The following ROBO2 variants were observed in gnomAD, a reference collection of about 807,000 sequenced individuals.
ROBO2 encodes roundabout guidance receptor 2, also known as roundabout homolog 2.
Under a neutral mutation model 160.8 loss-of-function variants are expected in ROBO2, and 53 were observed. The ratio of observed to expected loss-of-function variants is 0.33; its 90% CI spans 0.26 to 0.41. The LOEUF (loss-of-function observed/expected upper bound fraction) is 0.41, where lower values mean the gene tolerates loss of function less well. Ranked by LOEUF, ROBO2 falls within the 10% of genes least tolerant of loss-of-function variation. The pLI, the probability that ROBO2 is intolerant of heterozygous loss-of-function variation, is 1.00. For missense variants in ROBO2, 1,577 were observed against 1,722.4 expected, an observed-to-expected ratio of 0.92 and a Z score of 1.49; for synonymous variants, 664 against 611.7, an observed-to-expected ratio of 1.09 and a Z score of -1.26.
chr3:76,373,683 A>G (rs1395709041), intron 2 of ROBO2, among the ~76,000 whole-genome samples: 1 of 151,998 alleles, frequency 6.6e-6, no homozygotes, highest in Non-Finnish European at 1.5e-5. Context: ...CAGTATAGTC[A>G]TTGAATGTAA....
Position 76,992,325 on chromosome 3 carries a change from CTATATATATATATATATATATA to C in ROBO2, c.110-105666_110-105645del, listed in dbSNP as rs10530833. Among the ~76,000 whole-genome samples the C allele has an allele frequency of 1.5e-3, 69 of 46,898 alleles. 3 individuals carry two copies. The highest frequency in any genetic ancestry group is 7.0e-3 in the Admixed American group (30 of 4,312). The allele number at this position is 46,898 out of a possible 152,430, so 30.8% of individuals were successfully genotyped here. A position where few individuals can be genotyped will look rare whatever the true frequency, so the allele number is the denominator to read the frequency against. Reference sequence around the variant, plus strand: ...AGAAGCTATCTATATCCATGTATTACTATATATATATATATATATATATATATATATATATATATATATAAAT... The same window carrying C: ...AGAAGCTATCTATATCCATGTATTACTATATATATATATATATATATAAAT... On this transcript the variant is annotated intron_variant, in intron 2 of 26. Coordinates refer to the ROBO2 transcript ENST00000487694.
At chr3:77,525,998 T>C (rs879940206) in intron 6 of ROBO2, among the ~76,000 whole-genome samples, 5 of 151,436 alleles carry the variant, frequency 3.3e-5, no homozygotes, top group South Asian at 2.1e-4. Flanking sequence ...TAGTCTGTTA[T>C]CTCTTTTTGA....
intron 2 of ROBO2, among the ~76,000 whole-genome samples, chr3:77,137,243 T>A (rs2076350981): frequency 6.6e-6 from 1 of 152,336 alleles, no homozygotes; most frequent in African/African-American, 2.4e-5. Context: ...TATTTTTTTT[T>A]GAGACAGGGT....
At chr3:76,318,856 CA>C (rs1247297257) in intron 2 of ROBO2, among the ~76,000 whole-genome samples, 4 of 151,248 alleles carry the variant, frequency 2.6e-5, no homozygotes, top group East Asian at 1.9e-4. Flanking sequence ...ATTAAAATTT[CA>C]AAAAAAAGAA....
intron 1 of ROBO2, among the ~76,000 whole-genome samples, chr3:77,063,530 C>A (rs2149785849): frequency 6.6e-6 from 1 of 152,218 alleles, no homozygotes; most frequent in South Asian, 2.1e-4. Context: ...TCTTCAATTC[C>A]CATAATCATG....
At chr3:77,070,583 G>A (rs993436840) in intron 1 of ROBO2, among the ~76,000 whole-genome samples, 1 of 152,024 alleles carries the variant, frequency 6.6e-6, no homozygotes, top group Non-Finnish European at 1.5e-5. Flanking sequence ...TTTTGCAGGG[G>A]GACACACTAT....
At chr3:77,197,208 T>TG in intron 2 of ROBO2, among the ~76,000 whole-genome samples, 1 of 152,222 alleles carries the variant, frequency 6.6e-6, no homozygotes, top group Admixed American at 6.5e-5. Flanking sequence ...ATTCCAAAGC[T>TG]GAAATTTCAC....
chr3:76,468,206 G>C (rs183870413), intron 2 of ROBO2, among the ~76,000 whole-genome samples: 12 of 152,200 alleles, frequency 7.9e-5, no homozygotes, highest in Admixed American at 6.6e-4. Context: ...ATTGTCCAAG[G>C]CTACATTGGA....
At chr3:77,288,916 A>C (rs377431439) in intron 2 of ROBO2, among the ~76,000 whole-genome samples, 1 of 140,450 alleles carries the variant, frequency 7.1e-6, no homozygotes, top group African/African-American at 3.3e-5. Context: ...GTTAGAAGTA[A>C]AGTTGTCAAT....
intron 2 of ROBO2, among the ~76,000 whole-genome samples, chr3:76,070,731 A>T (rs113460592): frequency 1.8e-4 from 27 of 151,868 alleles, no homozygotes; most frequent in Non-Finnish European, 4.0e-4. Context: ...CTGACATGTG[A>T]TGTCTCCCCC....
chr3:76,277,354 T>A (rs1257318693), intron 2 of ROBO2, among the ~76,000 whole-genome samples: 1 of 151,986 alleles, frequency 6.6e-6, no homozygotes, highest in Non-Finnish European at 1.5e-5. Flanking sequence ...TGTGCTTTGA[T>A]TACAAGGTTA....
intron 2 of ROBO2, among the ~76,000 whole-genome samples, chr3:77,433,112 T>G (rs1006230017): frequency 6.6e-6 from 1 of 152,060 alleles, no homozygotes; most frequent in Non-Finnish European, 1.5e-5. Context: ...TCCCCATAAC[T>G]AGTCTCTCTG....
At chr3:76,245,928 G>A (rs1333960715) in intron 2 of ROBO2, among the ~76,000 whole-genome samples, 2 of 152,094 alleles carry the variant, frequency 1.3e-5, no homozygotes, top group Non-Finnish European at 2.9e-5. Context: ...TAAAGGAAAA[G>A]GAGAATTAGA....
At chr3:76,336,705 C>A (rs2108104780) in intron 2 of ROBO2, among the ~76,000 whole-genome samples, 1 of 152,136 alleles carries the variant, frequency 6.6e-6, no homozygotes, top group African/African-American at 2.4e-5. Context: ...TATTTTAGGC[C>A]ATTTTGAGAG....
rs1427995200 is a variant in ROBO2 at position 76,446,936 on chromosome 3, C to A, written c.109+509334C>A. Among the ~76,000 whole-genome samples, 4 of 152,272 alleles carry A rather than the reference C, an allele frequency of 2.6e-5. No homozygotes were observed. The East Asian group carries it at 5.8e-4, about 22-fold the overall frequency. ...AATATTAGATCTAAAACCATAAAAA[C>A]CCTAGAAGAAAACCTAGGCAATACC... On this transcript the variant is annotated intron_variant, in intron 2 of 26. Coordinates refer to the ROBO2 transcript ENST00000487694.
intron 9 of ROBO2, among the ~76,000 whole-genome samples, chr3:77,560,342 C>G (rs754505044): frequency 1.2e-4 from 18 of 151,914 alleles, no homozygotes; most frequent in Non-Finnish European, 2.5e-4. Context: ...AGAAGCACTC[C>G]TCACCAGAAA....
intron 3 of ROBO2, among the ~76,000 whole-genome samples, chr3:77,480,672 G>T (rs892154351): frequency 7.9e-5 from 12 of 152,042 alleles, no homozygotes; most frequent in African/African-American, 2.9e-4. Context: ...TCCAGAATAT[G>T]CCTAGTAAGT....
intron 2 of ROBO2, among the ~76,000 whole-genome samples, chr3:75,999,383 A>G (rs546577552): frequency 6.6e-6 from 1 of 152,304 alleles, no homozygotes; most frequent in Non-Finnish European, 1.5e-5. Context: ...TATTTAACAT[A>G]CTTTAATTTT....
chr3:76,076,090 C>T (rs1234695360), intron 2 of ROBO2, among the ~76,000 whole-genome samples: 2 of 152,110 alleles, frequency 1.3e-5, no homozygotes, highest in South Asian at 2.1e-4. Context: ...AATATGTTGT[C>T]CTTTTATGTG....
Sources: allele counts gnomAD v4.1 joint callset (sites outside exome capture counted in the v4.1 genomes callset), GRCh38; gene constraint gnomAD v4.1.1; transcripts MANE v1.5; gene names NCBI Gene and HGNC (gene_info 2026-07-23, HGNC 2026-07-21).